The following CCNE1 variants were observed in gnomAD, a reference collection of about 807,000 sequenced individuals.
CCNE1 encodes cyclin E1.
Under a neutral mutation model 54.1 loss-of-function variants are expected in CCNE1, and 8 were observed. That is an observed-to-expected ratio of 0.15 (90% confidence interval 0.09 to 0.27). The LOEUF is 0.27. Ranked by LOEUF, CCNE1 falls within the 10% of genes least tolerant of loss-of-function variation. The pLI is 1.00. For synonymous variants in CCNE1, 179 were observed against 185.2 expected (o/e 0.97, Z 0.27); for missense variants, 430 against 514.9 (o/e 0.84, Z 1.60).
At chr19:29,817,686 C>T in intron 6 of CCNE1, 145 bp downstream of exon 6, 1 of 835,254 alleles carries the variant, frequency 1.2e-6, no homozygotes, top group South Asian at 1.9e-5. Flanking sequence ...GGTGGTCTTT[C>T]TGTTTTGCTT....
intron 4 of CCNE1, among the ~76,000 whole-genome samples, chr19:29,816,473 C>G (rs1321164515): frequency 2.0e-5 from 3 of 152,184 alleles, no homozygotes; most frequent in African/African-American, 7.2e-5. Flanking sequence ...TAAGGAGTGT[C>G]TAGGCTAGCT....
chr19:29,817,314 G>A lies in CCNE1; in HGVS notation c.326+32G>A, dbSNP rs370834318. ...GCCGACTCTGCCACATGGCTTCCAG[G>A]TCTCTTACTCCATGCTCCCCTTTAT... On this transcript the variant is annotated intron_variant, in intron 5 of 11. Transcript: ENST00000262643. 43 of 1,614,044 alleles carry A rather than the reference G, an allele frequency of 2.7e-5. 1 individual carries two copies. In the African/African-American group the frequency reaches 5.3e-4, roughly 20 times the overall value.
At chr19:29,823,563 A>C (rs1286005106) in intron 11 of CCNE1, 92 bp from the exon 12 acceptor site, 4 of 1,209,204 alleles carry the variant, frequency 3.3e-6, no homozygotes, top group Non-Finnish European at 4.4e-6. Flanking sequence ...AAAAAAAAAA[A>C]TTTAAAAATT....
rs1436834765 is a variant in CCNE1 at position 29,812,972 on chromosome 19, T to C, written c.115T>C (p.Leu39=). Residue 39 remains leucine (L), a synonymous_variant, in exon 4 of 12, where the codon TTG becomes CTG. Transcript: ENST00000262643. ...CATGGGGGTGGCTTCATGTTAGTTT[T>C]TGCAGGATCCAGATGAAGAAATGGC... ...RKRKANVTVF[L]QDPDEEMAKI... 6.2e-6 allele frequency: 10 copies of C among 1,613,998 alleles called. No individual in the cohort carries two copies. Among genetic ancestry groups the C allele is most frequent in the Non-Finnish European group, 8.5e-6 (10 of 1,180,000 alleles).
At chr19:29,821,890 C>T in intron 8 of CCNE1, 73 bp downstream of exon 8, 3 of 1,502,558 alleles carry the variant, frequency 2.0e-6, no homozygotes, top group East Asian at 4.5e-5. Context: ...AGTGTGAGTG[C>T]CTCTGGGAGG....
At chr19:29,819,448 G>A (rs1277333842) in intron 6 of CCNE1, among the ~76,000 whole-genome samples, 4 of 151,774 alleles carry the variant, frequency 2.6e-5, no homozygotes, top group Non-Finnish European at 5.9e-5. Context: ...ACTCCCTGCC[G>A]ATTTTTTATT....
At chr19:29,815,191 GCT>G (rs1973983872) in intron 4 of CCNE1, among the ~76,000 whole-genome samples, 1 of 152,226 alleles carries the variant, frequency 6.6e-6, no homozygotes, top group South Asian at 2.1e-4. Context: ...CCAAAGGCCT[GCT>G]CTCAGATGTG....
chr19:29,823,698 G>A lies in CCNE1; in HGVS notation c.1154G>A (p.Arg385Lys). Residue 385 changes from arginine (R) to lysine (K), a missense_variant, in exon 12 of 12, where the codon AGG becomes AAG. By Grantham distance (26) the Arg-to-Lys change is conservative (BLOSUM62 2). Coordinates refer to ENST00000262643, the MANE Select transcript of CCNE1 (RefSeq NM_001238.4). ...AKKAMLSEQN[R>K]ASPLPSGLLT... ...AAAGCCATGTTGTCTGAACAAAATAGGGCTTCTCCTCTCCCCAGTGGGCTC... is the reference window on the plus strand; with the variant it reads ...AAAGCCATGTTGTCTGAACAAAATAAGGCTTCTCCTCTCCCCAGTGGGCTC... The A allele has an allele frequency of 2.5e-6, 4 of 1,614,120 alleles. No homozygotes were observed. Among genetic ancestry groups the A allele is most frequent in the Non-Finnish European group, 3.4e-6 (4 of 1,179,962 alleles).
At chr19:29,823,412 C>T (rs1025384294) in intron 11 of CCNE1, among the ~76,000 whole-genome samples, 7 of 151,970 alleles carry the variant, frequency 4.6e-5, no homozygotes, top group Admixed American at 1.3e-4. Flanking sequence ...GACATGGTGG[C>T]GGGTGCCTAT....
At chr19:29,823,133 G>A (rs1234267890) in intron 11 of CCNE1, among the ~76,000 whole-genome samples, 1 of 151,808 alleles carries the variant, frequency 6.6e-6, no homozygotes, top group Admixed American at 6.6e-5. Flanking sequence ...ACTCACCTCC[G>A]TAGAAAAAGA....
chr19:29,813,267 A>T lies in CCNE1; in HGVS notation c.180+230A>T, dbSNP rs1973937562. ...TGACTGGCACCGTCTGAGATTACAG[A>T]TATGTGCCTAGCCTGGAAGAACCAG... On this transcript the variant is annotated intron_variant, in intron 4 of 11. Transcript: ENST00000262643. The T allele has an allele frequency of 7.1e-6, 4 of 567,044 alleles. No individual in the cohort carries two copies. In the African/African-American group the frequency reaches 7.5e-5, roughly 11 times the overall value. 35.1% of individuals were successfully genotyped at this position (567,044 alleles called of 1,614,324 possible). A position where few individuals can be genotyped will look rare whatever the true frequency, so the allele number is the denominator to read the frequency against.
Position 29,820,691 on chromosome 19 carries a change from T to C in CCNE1, c.463-11T>C. The C allele has an allele frequency of 6.3e-7, 1 of 1,590,060 alleles. No homozygotes were observed. On this transcript the variant is annotated splice_polypyrimidine_tract_variant and intron_variant, in intron 6 of 11. Transcript: ENST00000262643. ...CTTACTTGTGCTAAAACTTACTAAA[T>C]ATGTTTTCAGGTGTGTGAAGTCTAT... is the stretch of plus-strand genomic sequence containing the variant.
At chr19:29,820,052 C>T (rs1974113150) in intron 6 of CCNE1, among the ~76,000 whole-genome samples, 1 of 152,228 alleles carries the variant, frequency 6.6e-6, no homozygotes, top group South Asian at 2.1e-4. Context: ...TACTCTTGCC[C>T]TGTGGGGCCA....
intron 4 of CCNE1, among the ~76,000 whole-genome samples, chr19:29,813,877 C>T (rs758031333): frequency 1.4e-4 from 21 of 152,164 alleles, no homozygotes; most frequent in African/African-American, 2.7e-4. Context: ...GCTGGTCAGG[C>T]CTTCTGACTC....
chr19:29,821,547 CTTT>C (rs35368977), intron 7 of CCNE1, among the ~76,000 whole-genome samples, 172 bp from the exon 8 acceptor site: 5,960 of 110,436 alleles, frequency 0.054, 144 homozygotes, highest in Non-Finnish European at 0.06. Flanking sequence ...GAGTTGTGTT[CTTT>C]TTTTTTTTTT....
chr19:29,812,745 G>C lies in CCNE1; in HGVS notation c.80G>C (p.Arg27Pro). Residue 27 changes from arginine to proline, a missense_variant, in exon 3 of 12, where the codon CGC becomes CCC. Transcript: ENST00000262643. ...GACGGCGGCGCGGAGTTCTCGGCTCGCTCCAGGAAGAGGAAGGCAAACGTG... is the reference window on the plus strand; with the variant it reads ...GACGGCGGCGCGGAGTTCTCGGCTCCCTCCAGGAAGAGGAAGGCAAACGTG... ...KEDGGAEFSA[R>P]SRKRKANVTV... is the part of the protein sequence containing the mutation. The C allele has an allele frequency of 1.3e-6, 2 of 1,594,406 alleles. No homozygotes were observed. The highest frequency in any genetic ancestry group is 1.7e-6 in the Non-Finnish European group (2 of 1,172,350).
chr19:29,820,931 G>T, intron 7 of CCNE1, 83 bp downstream of exon 7: 1 of 1,091,148 alleles, frequency 9.2e-7, no homozygotes, highest in African/African-American at 1.6e-5. Context: ...TTGGCGCTTA[G>T]CCTATAGCAC....
chr19:29,822,040 G>C lies in CCNE1; in HGVS notation c.750G>C (p.Leu250=). The change falls in exon 9 of 12, where the codon CTG becomes CTC. Residue 250 remains leucine (L), a synonymous_variant. Coordinates refer to ENST00000262643, the MANE Select transcript of CCNE1 (RefSeq NM_001238.4). Reference sequence around the variant, plus strand: ...GTCCCCTGACTATTGTGTCCTGGCTGAATGTATACATGCAGGTTGCATATC... The same window carrying C: ...GTCCCCTGACTATTGTGTCCTGGCTCAATGTATACATGCAGGTTGCATATC... ...RLSPLTIVSW[L]NVYMQVAYLN... 6.2e-7 allele frequency: 1 copy of C among 1,613,794 alleles called. No individual in the cohort carries two copies. The highest frequency in any genetic ancestry group is 1.1e-5 in the South Asian group (1 of 91,072).
chr19:29,818,594 AT>A (rs1450791118), intron 6 of CCNE1, among the ~76,000 whole-genome samples: 2 of 152,160 alleles, frequency 1.3e-5, no homozygotes, highest in African/African-American at 4.8e-5. Flanking sequence ...CTTGGAATCC[AT>A]TCCCTTTTCC....
Sources: allele counts gnomAD v4.1 joint callset (sites outside exome capture counted in the v4.1 genomes callset), GRCh38; gene constraint gnomAD v4.1.1; transcripts MANE v1.5; gene names NCBI Gene and HGNC (gene_info 2026-07-23, HGNC 2026-07-21).